BCAS3: variants seen among roughly 807,000 people sequenced by gnomAD.
BCAS3 encodes BCAS3 microtubule associated cell migration factor.
In BCAS3, 53 loss-of-function variants were observed where a neutral mutation model predicts 116.1. The ratio of observed to expected loss-of-function variants is 0.46; its 90% CI spans 0.37 to 0.57. The LOEUF is 0.57. Among genes scored for constraint, BCAS3 ranks in the 20% least tolerant of loss-of-function variants. BCAS3 has a pLI of 0.00. For missense variants in BCAS3, 917 were observed against 1,165.4 expected (o/e 0.79, Z 3.10); for synonymous variants, 391 against 408.2 (o/e 0.96, Z 0.51).
At chr17:60,947,505 C>T (rs2060572445) in intron 14 of BCAS3, among the ~76,000 whole-genome samples, 153 bp downstream of exon 14, 1 of 152,106 alleles carries the variant, frequency 6.6e-6, no homozygotes, top group African/African-American at 2.4e-5. Flanking sequence ...GGGAAAAATT[C>T]CGTTTTGACC....
At position 61,392,122 on chromosome 17, in the gene BCAS3, G is replaced by A. The variant is rs746735911; in HGVS notation, c.2739G>A (p.Pro913=). Residue 913 remains proline, a synonymous_variant, in exon 24 of 24, where the codon CCG becomes CCA. Transcript: ENST00000407086. The surrounding 1 kb of genome is among the most constrained non-coding windows in gnomAD (Gnocchi z 6.4). The part of the protein sequence containing the change: ...QPLSLFPTGF[P] ...TCAGCCTCTTCCCGACTGGCTTCCC[G>A]TAGGTACCAGCAACCTGCTTCTGAC... is the stretch of plus-strand genomic sequence containing the variant. 18 of 1,612,838 alleles carry A rather than the reference G, an allele frequency of 1.1e-5. No individual in the cohort carries two copies. Among genetic ancestry groups the A allele is most frequent in the Admixed American group, 3.3e-5 (2 of 59,970 alleles).
intron 9 of BCAS3, among the ~76,000 whole-genome samples, chr17:60,879,337 A>G (rs1428074181): frequency 1.3e-5 from 2 of 152,228 alleles, no homozygotes; most frequent in African/African-American, 4.8e-5. Flanking sequence ...ATATGTGAAT[A>G]CAATGAAGGG....
intron 11 of BCAS3, among the ~76,000 whole-genome samples, chr17:60,908,496 C>A (rs571395959): frequency 4.3e-4 from 65 of 152,218 alleles, no homozygotes; most frequent in Admixed American, 2.6e-3. Context: ...GGAGTGAGTA[C>A]ATCAGTTAAG....
In BCAS3 at chr17:61,199,806, C is replaced by T. The variant is rs576175044; in HGVS notation, c.2425+115242C>T. Among the ~76,000 whole-genome samples, 2 of 152,266 alleles carry T rather than the reference C, an allele frequency of 1.3e-5. No individual in the cohort carries two copies. Among genetic ancestry groups the T allele is most frequent in the East Asian group, 3.9e-4 (2 of 5,182 alleles). ...CCTATCTCTATCCCTTTTCCAAAAG[C>T]CCGGTAAAGTTAGTTTGCTTAAAAC... On this transcript the variant is annotated intron_variant, in intron 22 of 23. Coordinates refer to ENST00000407086, the MANE Select transcript of BCAS3 (RefSeq NM_017679.5). This position sits in a 1 kb window ranked among gnomAD's most constrained non-coding sequence, Gnocchi z 4.6.
rs553641233 is a variant in BCAS3, at chr17:60,908,734, A to G, written c.823-1798A>G. ...TTTAGCACTAAACAAAACAGTTACA[A>G]TTGATTTGTGGCTTTCTCTTGGTTT... On this transcript the variant is annotated intron_variant, in intron 11 of 23. Coordinates refer to ENST00000407086, the MANE Select transcript of BCAS3 (RefSeq NM_017679.5). 2.2e-4 allele frequency among the ~76,000 whole-genome samples: 34 copies of G among 152,302 alleles called. No individual in the cohort carries two copies. In the South Asian group the frequency reaches 6.2e-3, roughly 28 times the overall value.
intron 8 of BCAS3, among the ~76,000 whole-genome samples, chr17:60,871,799 G>C (rs1462345048): frequency 6.6e-6 from 1 of 151,776 alleles, no homozygotes; most frequent in Non-Finnish European, 1.5e-5. Context: ...TTGCAGCTAT[G>C]TTCATGAGGG....
intron 6 of BCAS3, among the ~76,000 whole-genome samples, chr17:60,769,739 A>G (rs2044470467): frequency 6.6e-6 from 1 of 152,042 alleles, no homozygotes; most frequent in South Asian, 2.1e-4. Context: ...GGCCTCAGGG[A>G]AGAACATAGT....
intron 22 of BCAS3, among the ~76,000 whole-genome samples, chr17:61,328,872 A>G (rs2055957506): frequency 6.7e-6 from 1 of 149,648 alleles, no homozygotes; most frequent in African/African-American, 2.5e-5. Context: ...CACATGGCAG[A>G]GCATGAAGAC....
chr17:61,117,977 G>C (rs2075575673), intron 22 of BCAS3, among the ~76,000 whole-genome samples: 1 of 151,916 alleles, frequency 6.6e-6, no homozygotes, highest in African/African-American at 2.4e-5. Flanking sequence ...GAAAGTCTTT[G>C]TCAGATAATT....
chr17:61,075,838 A>G (rs2071927043), intron 20 of BCAS3, among the ~76,000 whole-genome samples: 1 of 152,108 alleles, frequency 6.6e-6, no homozygotes, highest in South Asian at 2.1e-4. Context: ...AGCCCATGTA[A>G]TGCTGCTTTT....
chr17:60,865,317 C>G (rs1427193540), intron 7 of BCAS3, among the ~76,000 whole-genome samples: 12 of 152,106 alleles, frequency 7.9e-5, no homozygotes, highest in Admixed American at 7.9e-4. Context: ...TTGTCATCGT[C>G]TTTAAAAAGG....
At chr17:61,298,493 G>C (rs192468333) in intron 22 of BCAS3, among the ~76,000 whole-genome samples, 1 of 152,156 alleles carries the variant, frequency 6.6e-6, no homozygotes, top group Non-Finnish European at 1.5e-5. Flanking sequence ...TCTTCCAAAT[G>C]CCCTGGTCTT....
Position 60,868,699 on chromosome 17 carries a change from T to A in BCAS3, c.584+16T>A. 2 of 1,486,404 alleles carry A rather than the reference T, an allele frequency of 1.3e-6. No individual in the cohort carries two copies. Among genetic ancestry groups the A allele is most frequent in the South Asian group, 1.2e-5 (1 of 80,998 alleles). The allele number at this position is 1,486,404 out of a possible 1,614,324, so 92.1% of individuals were successfully genotyped here. A position where few individuals can be genotyped will look rare whatever the true frequency, so the allele number is the denominator to read the frequency against. ...GCAATAAACGGTAAGGATTTTTTCA[T>A]GGGTTTCTTGTGTAAAATAAGAAAC... On this transcript the variant is annotated intron_variant, in intron 8 of 23. Coordinates refer to ENST00000407086, the MANE Select transcript of BCAS3 (RefSeq NM_017679.5).
At chr17:61,320,286 A>C (rs2055100257) in intron 22 of BCAS3, among the ~76,000 whole-genome samples, 1 of 152,126 alleles carries the variant, frequency 6.6e-6, no homozygotes, top group African/African-American at 2.4e-5. Context: ...TTCCTTCTGC[A>C]TCAGATGGTC....
intron 5 of BCAS3, among the ~76,000 whole-genome samples, chr17:60,710,566 G>C (rs2037752041): frequency 6.6e-6 from 1 of 151,628 alleles, no homozygotes; most frequent in Non-Finnish European, 1.5e-5. Context: ...CAAGTAGCTG[G>C]GACTATAGGC....
rs1239497973 is a variant in BCAS3 at position 61,122,760 on chromosome 17, C to T, written c.2425+38196C>T. Among the ~76,000 whole-genome samples, 1 of 152,070 alleles carries T rather than the reference C, an allele frequency of 6.6e-6. No individual in the cohort carries two copies. Among genetic ancestry groups the T allele is most frequent in the South Asian group, 2.1e-4 (1 of 4,820 alleles). On this transcript the variant is annotated intron_variant, in intron 22 of 23. Transcript: ENST00000407086. This position sits in a 1 kb window ranked among gnomAD's most constrained non-coding sequence, Gnocchi z 4.6. ...AAAACCATCTCAGCAAAAATAAATT[C>T]AAGAATATGTATATATGATGTTCAT...
chr17:60,940,008 A>G (rs1379152211), intron 13 of BCAS3, among the ~76,000 whole-genome samples: 1 of 152,224 alleles, frequency 6.6e-6, no homozygotes, highest in African/African-American at 2.4e-5. Flanking sequence ...AGATGTCTTC[A>G]TAAGCCTGAA....
In BCAS3 at chr17:61,243,979, C is replaced by CA. The variant is rs1157553598; in HGVS notation, c.2426-124347dup. ...TTTTTAAGTTTTTTTTTTCAAGAGA[C>CA]AGAGTCTTGCTATGTTGCCCCAGCT... On this transcript the variant is annotated intron_variant, in intron 22 of 23. Transcript: ENST00000407086. This position sits in a 1 kb window ranked among gnomAD's most constrained non-coding sequence, Gnocchi z 5.6. Among the ~76,000 whole-genome samples the CA allele has an allele frequency of 6.6e-6, 1 of 151,712 alleles. No homozygotes were observed. The highest frequency in any genetic ancestry group is 2.4e-5 in the African/African-American group (1 of 41,248).
At chr17:61,382,289 T>C (rs564630291) in intron 23 of BCAS3, among the ~76,000 whole-genome samples, 11 of 151,426 alleles carry the variant, frequency 7.3e-5, no homozygotes, top group Non-Finnish European at 1.5e-4. Flanking sequence ...AGACAGAGTT[T>C]CACTCTTGTT....
Sources: allele counts gnomAD v4.1 joint callset (sites outside exome capture counted in the v4.1 genomes callset), GRCh38; gene constraint gnomAD v4.1.1; non-coding constraint Gnocchi (gnomAD v3.1); transcripts MANE v1.5; gene names NCBI Gene and HGNC (gene_info 2026-07-23, HGNC 2026-07-21).